TRPC7: variants seen among roughly 807,000 people sequenced by gnomAD.
TRPC7 encodes transient receptor potential cation channel subfamily C member 7.
TRPC7 carries 42 observed loss-of-function variants against 90.1 expected under a neutral mutation model. The observed-to-expected ratio is 0.47, with a 90% CI of 0.36 to 0.60. The LOEUF (loss-of-function observed/expected upper bound fraction) is 0.60, where lower values mean the gene tolerates loss of function less well. TRPC7 is among the 20% of genes least tolerant of loss of function. The pLI is 0.00. For missense variants in TRPC7, 955 were observed against 1,112.3 expected (o/e 0.86, Z 2.01); for synonymous variants, 451 against 436.3 (o/e 1.03, Z -0.42).
At chr5:136,235,620 T>A (rs1322425354) in intron 7 of TRPC7, among the ~76,000 whole-genome samples, 1 of 152,084 alleles carries the variant, frequency 6.6e-6, no homozygotes. Context: ...GGGCATGGGG[T>A]GGAAAGCCAG....
At chr5:136,323,876 G>C (rs912883723) in intron 2 of TRPC7, among the ~76,000 whole-genome samples, 1 of 152,060 alleles carries the variant, frequency 6.6e-6, no homozygotes, top group African/African-American at 2.4e-5. Context: ...CTGCTGAACT[G>C]TGTTAAATCT....
intron 4 of TRPC7, among the ~76,000 whole-genome samples, chr5:136,272,075 T>C (rs1757229282): frequency 6.6e-6 from 1 of 152,196 alleles, no homozygotes; most frequent in Non-Finnish European, 1.5e-5. Context: ...TGGGCATTAG[T>C]TAGTTGACGA....
rs138718000 is a variant in TRPC7, at chr5:136,215,548, C to T, written c.2419+652G>A. On this transcript the variant is annotated intron_variant, in intron 11 of 11. Coordinates refer to ENST00000513104, the MANE Select transcript of TRPC7 (RefSeq NM_020389.3). The stretch of plus-strand genomic sequence containing the variant: ...CCTTAAAAGTGGAGGAGGGGCCGGG[C>T]GCAGTGGCTCATGCCTGTAATCCCA... Among the ~76,000 whole-genome samples, 1,168 of 152,218 alleles carry T rather than the reference C, an allele frequency of 7.7e-3. 12 individuals are homozygous for T. Among genetic ancestry groups the T allele is most frequent in the African/African-American group, 0.027 (1,116 of 41,542 alleles).
At chr5:136,339,636 C>T (rs1323117955) in intron 2 of TRPC7, among the ~76,000 whole-genome samples, 1 of 152,144 alleles carries the variant, frequency 6.6e-6, no homozygotes, top group African/African-American at 2.4e-5. Context: ...GTGTCCCCCA[C>T]CCAGAAATGG....
At chr5:136,226,864 TTTCATACTAGGTC>T (rs1755648238) in intron 8 of TRPC7, among the ~76,000 whole-genome samples, 1 of 152,262 alleles carries the variant, frequency 6.6e-6, no homozygotes, top group African/African-American at 2.4e-5. Flanking sequence ...ACCGTATTGT[TTTCATACTAGGTC>T]TTCAAACTCC....
intron 2 of TRPC7, among the ~76,000 whole-genome samples, chr5:136,328,755 G>T (rs1759416039): frequency 6.6e-6 from 1 of 152,256 alleles, no homozygotes; most frequent in East Asian, 1.9e-4. Context: ...AGAGTGTATA[G>T]GTTAGCAGAG....
At chr5:136,337,268 A>G (rs1759694022) in intron 2 of TRPC7, among the ~76,000 whole-genome samples, 1 of 152,168 alleles carries the variant, frequency 6.6e-6, no homozygotes, top group African/African-American at 2.4e-5. Flanking sequence ...CTTAGAGGAG[A>G]TACTATTTAG....
chr5:136,236,736 G>A (rs1439729555), intron 7 of TRPC7, among the ~76,000 whole-genome samples: 4 of 152,116 alleles, frequency 2.6e-5, no homozygotes, highest in Non-Finnish European at 5.9e-5. Flanking sequence ...AGTTGTATAC[G>A]GGCCTCAGAG....
intron 1 of TRPC7, among the ~76,000 whole-genome samples, chr5:136,361,479 A>G (rs2149864904): frequency 6.6e-6 from 1 of 152,324 alleles, no homozygotes; most frequent in East Asian, 1.9e-4. Flanking sequence ...AGGAAGCCAG[A>G]TGTCATTGAC....
chr5:136,220,918 C>CAATTAT (rs1282754742), intron 10 of TRPC7, among the ~76,000 whole-genome samples: 1 of 151,750 alleles, frequency 6.6e-6, no homozygotes, highest in Non-Finnish European at 1.5e-5. Context: ...TCTCAGATGG[C>CAATTAT]CGACAATTAT....
intron 2 of TRPC7, among the ~76,000 whole-genome samples, chr5:136,320,153 C>T (rs566717784): frequency 7.1e-6 from 1 of 140,470 alleles, no homozygotes; most frequent in Non-Finnish European, 1.5e-5. Flanking sequence ...TTCAGTTGTC[C>T]TAGACAAAAA....
Position 136,357,287 on chromosome 5 carries a change from T to A in TRPC7, c.101A>T (p.Asn34Ile). 6.2e-7 allele frequency: 1 copy of A among 1,612,722 alleles called. No individual in the cohort carries two copies. Among genetic ancestry groups the A allele is most frequent in the Non-Finnish European group, 8.5e-7 (1 of 1,179,880 alleles). Reference sequence around the variant, plus strand: ...GGGCGTCAGACTGGTGCCCTTCTCGTTGAACATGTAGGCGGGACCCCGGAT... The same window carrying A: ...GGGCGTCAGACTGGTGCCCTTCTCGATGAACATGTAGGCGGGACCCCGGAT... ...QAIRGPAYMF[N>I]EKGTSLTPEE... is the part of the protein sequence containing the mutation. The change falls in exon 2 of 12, where the codon AAC (asparagine) becomes ATC (isoleucine). Residue 34 changes from asparagine (N) to isoleucine (I), a missense_variant. Transcript: ENST00000513104.
At chr5:136,260,497 C>T (rs1756821924) in intron 5 of TRPC7, among the ~76,000 whole-genome samples, 1 of 152,124 alleles carries the variant, frequency 6.6e-6, no homozygotes, top group African/African-American at 2.4e-5. Context: ...GCAGAGGGGA[C>T]AGCCAGGGCA....
intron 5 of TRPC7, among the ~76,000 whole-genome samples, chr5:136,263,896 T>A: frequency 6.6e-6 from 1 of 152,218 alleles, no homozygotes; most frequent in East Asian, 1.9e-4. Context: ...AGATTGGCCA[T>A]GAATTGCTAA....
intron 3 of TRPC7, among the ~76,000 whole-genome samples, chr5:136,285,306 C>T (rs1757676898): frequency 6.6e-6 from 1 of 152,072 alleles, no homozygotes; most frequent in African/African-American, 2.4e-5. Context: ...TTCACTTTTG[C>T]CCCCACTGTA....
intron 10 of TRPC7, 61 bp from the exon 11 acceptor site, chr5:136,216,336 T>C: frequency 7.3e-7 from 1 of 1,362,346 alleles, no homozygotes; most frequent in Non-Finnish European, 1.0e-6. Flanking sequence ...GCAGCCTGCG[T>C]GGTGTAGCAG....
chr5:136,236,524 C>T (rs1460352517), intron 7 of TRPC7, among the ~76,000 whole-genome samples: 1 of 152,140 alleles, frequency 6.6e-6, no homozygotes, highest in Non-Finnish European at 1.5e-5. Flanking sequence ...ATAAGAAGCA[C>T]TCCTAATGAA....
intron 10 of TRPC7, among the ~76,000 whole-genome samples, chr5:136,219,945 A>G (rs752984245): frequency 6.6e-6 from 1 of 152,230 alleles, no homozygotes; most frequent in Non-Finnish European, 1.5e-5. Context: ...GCGGGAAGTC[A>G]GGGACCCTGA....
intron 3 of TRPC7, among the ~76,000 whole-genome samples, chr5:136,284,177 A>G (rs1273469952): frequency 6.6e-6 from 1 of 152,208 alleles, no homozygotes; most frequent in Non-Finnish European, 1.5e-5. Flanking sequence ...CTGATTGCCT[A>G]TTCTCAGATG....
Sources: gnomAD v4.1 joint callset for allele counts (sites outside exome capture counted in the v4.1 genomes callset) on GRCh38, gnomAD v4.1.1 for gene constraint, MANE v1.5 for transcripts, NCBI Gene and HGNC (gene_info 2026-07-23, HGNC 2026-07-21) for gene names.